The following ARB2A variants were observed in gnomAD, a reference collection of about 807,000 sequenced individuals.
ARB2A encodes the protein ARB2 cotranscriptional regulator A.
At chr5:93,897,741 G>A in the ARB2A span, among the ~76,000 whole-genome samples, 90 of 151,722 alleles carry the variant, frequency 5.9e-4, 2 homozygotes, top group East Asian at 0.016. Context: ...ATATTTGGGG[G>A]AGAGACTACT....
the ARB2A span, among the ~76,000 whole-genome samples, chr5:93,932,591 T>A: frequency 6.6e-6 from 1 of 152,216 alleles, no homozygotes; most frequent in Non-Finnish European, 1.5e-5. Flanking sequence ...ATATTTATAC[T>A]AATAAAGTTG....
At chr5:94,039,255 A>G in the ARB2A span, among the ~76,000 whole-genome samples, 1 of 152,306 alleles carries the variant, frequency 6.6e-6, no homozygotes, top group East Asian at 1.9e-4. Context: ...TGAGGCTTAG[A>G]CCTACTGGGC....
At chr5:93,763,492 G>A in the ARB2A span, among the ~76,000 whole-genome samples, 7 of 152,116 alleles carry the variant, frequency 4.6e-5, no homozygotes, top group African/African-American at 1.7e-4. Context: ...AACAAGAAGC[G>A]CTAACTACCC....
the ARB2A span, among the ~76,000 whole-genome samples, chr5:93,971,673 G>A: frequency 1.4e-4 from 21 of 151,848 alleles, no homozygotes; most frequent in African/African-American, 4.8e-4. Context: ...TGCTTATTAT[G>A]ATTAATAAAA....
At chr5:93,828,369 T>G in the ARB2A span, among the ~76,000 whole-genome samples, 1 of 152,206 alleles carries the variant, frequency 6.6e-6, no homozygotes, top group African/African-American at 2.4e-5. Context: ...GAATGGGAGT[T>G]CACTCATGAT....
At chr5:94,025,504 G>T in the ARB2A span, among the ~76,000 whole-genome samples, 2 of 152,154 alleles carry the variant, frequency 1.3e-5, no homozygotes, top group Non-Finnish European at 2.9e-5. Context: ...GGAGGTTAAG[G>T]CTTCAACATA....
chr5:93,745,493 G>A, the ARB2A span, among the ~76,000 whole-genome samples: 3 of 152,100 alleles, frequency 2.0e-5, no homozygotes, highest in Admixed American at 6.6e-5. Context: ...CTGGATGTGC[G>A]AGTGATCTGC....
the ARB2A span, among the ~76,000 whole-genome samples, chr5:93,951,751 T>G: frequency 6.6e-6 from 1 of 152,164 alleles, no homozygotes; most frequent in Non-Finnish European, 1.5e-5. Context: ...TGAAGTCAAG[T>G]GAAGTGGCTC....
At chr5:93,827,257 G>A in the ARB2A span, among the ~76,000 whole-genome samples, 1 of 152,270 alleles carries the variant, frequency 6.6e-6, no homozygotes, top group African/African-American at 2.4e-5. Flanking sequence ...TCCAGCACCT[G>A]TTGTTTCCTG....
chr5:93,874,532 C>T, the ARB2A span, among the ~76,000 whole-genome samples: 5 of 152,140 alleles, frequency 3.3e-5, no homozygotes, highest in Non-Finnish European at 7.4e-5. Flanking sequence ...ATACCTTGCT[C>T]TATGCATTTC....
chr5:94,049,769 C>T, the ARB2A span, among the ~76,000 whole-genome samples: 1 of 152,056 alleles, frequency 6.6e-6, no homozygotes, highest in Non-Finnish European at 1.5e-5. Context: ...TGCAGTGAGC[C>T]AAGATCGTGA....
the ARB2A span, among the ~76,000 whole-genome samples, chr5:93,731,589 T>C: frequency 6.6e-6 from 1 of 152,192 alleles, no homozygotes; most frequent in African/African-American, 2.4e-5. Context: ...AAAAGGTATA[T>C]GTTAAGATTT....
the ARB2A span, among the ~76,000 whole-genome samples, chr5:93,824,623 A>G: frequency 2.0e-5 from 3 of 152,100 alleles, no homozygotes; most frequent in Non-Finnish European, 1.5e-5. Context: ...TCTTTTTTAC[A>G]TTATTAACTG....
the ARB2A span, chr5:93,740,350 TAGGGAAAAACAA>T: frequency 7.5e-6 from 4 of 530,310 alleles, no homozygotes; most frequent in Non-Finnish European, 1.3e-5. Context: ...AAACCAATGC[TAGGGAAAAACAA>T]AGGGAAAACA....
At chr5:93,986,333 C>T in the ARB2A span, among the ~76,000 whole-genome samples, 1 of 151,722 alleles carries the variant, frequency 6.6e-6, no homozygotes, top group African/African-American at 2.4e-5. Context: ...TGGGGGGCGC[C>T]CCCGCCCGGC....
chr5:93,954,083 T>G, the ARB2A span, among the ~76,000 whole-genome samples: 1 of 152,156 alleles, frequency 6.6e-6, no homozygotes, highest in Non-Finnish European at 1.5e-5. Flanking sequence ...AGGCCTAGAA[T>G]CAAGGACCCT....
the ARB2A span, chr5:93,776,203 G>A: frequency 6.2e-7 from 1 of 1,612,112 alleles, no homozygotes. Context: ...CTCCACTGAT[G>A]TGTCTAATGG....
chr5:93,856,732 C>T, the ARB2A span, among the ~76,000 whole-genome samples: 1 of 151,858 alleles, frequency 6.6e-6, no homozygotes, highest in Admixed American at 6.6e-5. Flanking sequence ...TTTGAATTTC[C>T]TCCTGTAGCT....
the ARB2A span, among the ~76,000 whole-genome samples, chr5:93,744,358 C>T: frequency 7.0e-6 from 1 of 143,012 alleles, no homozygotes; most frequent in Non-Finnish European, 1.5e-5. Flanking sequence ...TTGCTTGAAC[C>T]CGGGAGGCGG....
Sources: allele counts gnomAD v4.1 joint callset (sites outside exome capture counted in the v4.1 genomes callset), GRCh38; gene constraint gnomAD v4.1.1; transcripts MANE v1.5; gene names NCBI Gene and HGNC (gene_info 2026-07-23, HGNC 2026-07-21).